Variants in TFIP11 observed in about 807,000 individuals in gnomAD.
TFIP11 encodes the protein tuftelin interacting protein 11.
TFIP11 carries 86 observed loss-of-function variants against 96.8 expected under a neutral mutation model. That is an observed-to-expected ratio of 0.89 (90% CI 0.75 to 1.06). TFIP11 has a LOEUF of 1.06. Ranked by LOEUF, TFIP11 falls within the 50% of genes least tolerant of loss-of-function variation. The pLI, the probability that TFIP11 is intolerant of heterozygous loss-of-function variation, is 0.00. For missense variants in TFIP11, 881 were observed against 1,076.7 expected, an observed-to-expected ratio of 0.82 and a Z score of 2.54; for synonymous variants, 405 against 395.2, an observed-to-expected ratio of 1.02 and a Z score of -0.29.
rs562544500 is a variant in TFIP11, at chr22:26,494,511, C to CT, written c.1993-208dup. 458 of 715,720 alleles carry CT rather than the reference C, an allele frequency of 6.4e-4. 2 individuals carry two copies. In the African/African-American group the frequency reaches 6.9e-3, roughly 11 times the overall value. 44.3% of individuals were successfully genotyped at this position (715,720 alleles called of 1,614,324 possible). ...TAAAGTGCCCTTGCATGTAAACTCT[C>CT]TGAGCCTCAGCTTCCATGTCTACAC... On this transcript the variant is annotated intron_variant, in intron 13 of 14. Transcript: ENST00000407690.
In TFIP11 at chr22:26,492,369, C is replaced by T. The variant is rs757671059; in HGVS notation, c.2159-1G>A. The T allele has an allele frequency of 6.2e-7, 1 of 1,613,856 alleles. No individual in the cohort carries two copies. Among genetic ancestry groups the T allele is most frequent in the Admixed American group, 1.7e-5 (1 of 60,002 alleles). On this transcript the variant is annotated splice_acceptor_variant, in intron 14 of 14. Coordinates refer to ENST00000407690, the MANE Select transcript of TFIP11 (RefSeq NM_012143.4). LOFTEE classifies it high-confidence loss of function. ...CGTGCTCCTGGCTGCATGTAGGCAC[C>T]TAAGATACAGGAGGACAGGGCGGTG... is the stretch of plus-strand genomic sequence containing the variant.
intron 8 of TFIP11, among the ~76,000 whole-genome samples, chr22:26,500,743 G>A (rs138287801): frequency 1.2e-4 from 18 of 151,810 alleles, no homozygotes; most frequent in African/African-American, 3.6e-4. Context: ...TTATCAGGTC[G>A]TCCAGATAAC....
At chr22:26,498,721 G>T in intron 10 of TFIP11, 148 bp downstream of exon 10, 1 of 647,218 alleles carries the variant, frequency 1.5e-6, no homozygotes, top group Non-Finnish European at 2.7e-6. Flanking sequence ...AAAATTCATA[G>T]CCAAATGAAT....
rs765334770 is a variant in TFIP11, at chr22:26,501,955, T to G, written c.746A>C (p.Lys249Thr). 4.3e-6 allele frequency: 7 copies of G among 1,613,998 alleles called. No homozygotes were observed. The highest frequency in any genetic ancestry group is 5.9e-6 in the Non-Finnish European group (7 of 1,179,996). ...AGTGAGCTTCTTGCTAATCCTGCCCTTGGCCTTCAACTCTTCCACGGTCTT... is the reference window on the plus strand; with the variant it reads ...AGTGAGCTTCTTGCTAATCCTGCCCGTGGCCTTCAACTCTTCCACGGTCTT... ...SYKTVEELKAKGRISKKLTAP... is the reference protein window; with the variant it reads ...SYKTVEELKATGRISKKLTAP... The change falls in exon 8 of 15, where the codon AAG (lysine) becomes ACG (threonine). Residue 249 changes from lysine to threonine, a missense_variant. Lys to Thr is a moderately conservative substitution (Grantham distance 78). Transcript: ENST00000407690.
At chr22:26,492,723 G>A in intron 14 of TFIP11, 1 of 238,190 alleles carries the variant, frequency 4.2e-6, no homozygotes, top group South Asian at 6.5e-5. Flanking sequence ...CACCACCAAA[G>A]AGGCAGCTTT....
chr22:26,501,622 A>G (rs1384051757), intron 8 of TFIP11, among the ~76,000 whole-genome samples: 2 of 151,392 alleles, frequency 1.3e-5, no homozygotes, highest in Non-Finnish European at 2.9e-5. Context: ...CAGGAACATC[A>G]TTTGGTTTAC....
rs769539690 is a variant in TFIP11 at position 26,499,230 on chromosome 22, G to A, written c.1203C>T (p.Ala401=). Residue 401 remains alanine, a synonymous_variant, in exon 9 of 15, where the codon GCC becomes GCT. Transcript: ENST00000407690. ...CSNPLTLDEC[A]RIFETLQDKY... is the part of the protein sequence containing the mutation. Reference sequence around the variant, plus strand: ...TGTCCTGCAGGGTTTCGAAGATGCGGGCACACTCGTCCAGGGTGAGGGGGT... The same window carrying A: ...TGTCCTGCAGGGTTTCGAAGATGCGAGCACACTCGTCCAGGGTGAGGGGGT... The A allele has an allele frequency of 8.1e-6, 13 of 1,613,894 alleles. No individual in the cohort carries two copies. Among genetic ancestry groups the A allele is most frequent in the Middle Eastern group, 1.6e-4 (1 of 6,084 alleles).
Position 26,494,181 on chromosome 22 carries a change from C to T in TFIP11, c.2116G>A (p.Glu706Lys). ...AHPSVKDKFNEALDIMNRAVS... is the reference protein window; with the variant it reads ...AHPSVKDKFNKALDIMNRAVS... ...GCCCGGTTCATGATATCAAGTGCCT[C>T]ATTAAATTTGTCCTTGACAGATGGA... is the stretch of plus-strand genomic sequence containing the variant. Residue 706 changes from glutamate (E) to lysine (K), a missense_variant, in exon 14 of 15, where the codon GAG becomes AAG. Transcript: ENST00000407690. 6.2e-7 allele frequency: 1 copy of T among 1,614,218 alleles called. No individual in the cohort carries two copies. The highest frequency in any genetic ancestry group is 8.5e-7 in the Non-Finnish European group (1 of 1,180,044).
At chr22:26,510,750 T>A (rs2147153110) in intron 2 of TFIP11, 48 bp from the exon 3 acceptor site, 1 of 155,594 alleles carries the variant, frequency 6.4e-6, no homozygotes, top group Admixed American at 6.3e-5. Context: ...ATACATTACT[T>A]GATGAAACAA....
Position 26,512,464 on chromosome 22 carries a change from A to G in TFIP11, c.-243T>C. 6.6e-6 allele frequency: 1 copy of G among 152,178 alleles called. No individual in the cohort carries two copies. The highest frequency in any genetic ancestry group is 1.9e-4 in the East Asian group (1 of 5,178). The allele number at this position is 152,178 out of a possible 1,614,324, so 9.4% of individuals were successfully genotyped here. On this transcript the variant is annotated 5_prime_UTR_variant, in exon 1 of 15. Coordinates refer to ENST00000407690, the MANE Select transcript of TFIP11 (RefSeq NM_012143.4). Reference sequence around the variant, plus strand: ...GAGAAGACGCCGCTCCTACACCAGAACCCGGAAGCACCGTGGCCGGCGCGC... The same window carrying G: ...GAGAAGACGCCGCTCCTACACCAGAGCCCGGAAGCACCGTGGCCGGCGCGC...
At chr22:26,501,316 A>G (rs1922756295) in intron 8 of TFIP11, among the ~76,000 whole-genome samples, 2 of 152,342 alleles carry the variant, frequency 1.3e-5, no homozygotes, top group Non-Finnish European at 2.9e-5. Flanking sequence ...AGAGAGAGTT[A>G]ATACAACCTT....
intron 6 of TFIP11, among the ~76,000 whole-genome samples, chr22:26,504,968 C>A (rs1013197673): frequency 4.6e-5 from 7 of 151,970 alleles, no homozygotes; most frequent in African/African-American, 1.7e-4. Context: ...CCCTGCTACT[C>A]GGGAGGCTGA....
At chr22:26,494,458 A>G (rs1921661474) in intron 13 of TFIP11, 154 bp from the exon 14 acceptor site, 3 of 949,570 alleles carry the variant, frequency 3.2e-6, no homozygotes, top group Non-Finnish European at 4.7e-6. Flanking sequence ...GCACTTATGA[A>G]TATGGATTTT....
At chr22:26,508,851 AAAAAAAG>A (rs1171897032) in intron 4 of TFIP11, among the ~76,000 whole-genome samples, 1 of 152,056 alleles carries the variant, frequency 6.6e-6, no homozygotes, top group Non-Finnish European at 1.5e-5. Context: ...CTCAAAAAAA[AAAAAAAG>A]AAAAAGAAAA....
chr22:26,497,009 G>C, intron 10 of TFIP11, 120 bp from the exon 11 acceptor site: 1 of 1,233,844 alleles, frequency 8.1e-7, no homozygotes. Context: ...AATCCAATCA[G>C]AGGAAACCAT....
At position 26,498,929 on chromosome 22, in the gene TFIP11, A is replaced by G. The variant is rs902624927; in HGVS notation, c.1376T>C (p.Leu459Pro). The G allele has an allele frequency of 6.2e-7, 1 of 1,613,880 alleles. No individual in the cohort carries two copies. The highest frequency in any genetic ancestry group is 1.7e-5 in the Admixed American group (1 of 60,002). The change falls in exon 10 of 15, where the codon CTA (leucine) becomes CCA (proline). Residue 459 changes from leucine to proline, a missense_variant. Coordinates refer to ENST00000407690, the MANE Select transcript of TFIP11 (RefSeq NM_012143.4). ...TEIISKWKSL[L>P]ENDQLLSHGG... ...ATGGGACAAGAGCTGGTCATTCTCT[A>G]GGAGGCTTTTCCACTTAGAGATGAT...
chr22:26,494,719 C>CA (rs1921698550), intron 13 of TFIP11, 78 bp downstream of exon 13: 1 of 1,579,892 alleles, frequency 6.3e-7, no homozygotes, highest in Admixed American at 1.7e-5. Flanking sequence ...ATTGTACCTA[C>CA]AGTCAGGCCT....
At chr22:26,492,396 G>A (rs1270865428) in intron 14 of TFIP11, 28 bp from the exon 15 acceptor site, 1 of 1,605,200 alleles carries the variant, frequency 6.2e-7, no homozygotes, top group Non-Finnish European at 8.5e-7. Context: ...AGGGCGGTGA[G>A]GAGAGGTGTT....
chr22:26,511,929 G>A (rs932118058), intron 2 of TFIP11, 170 bp downstream of exon 2: 1 of 152,306 alleles, frequency 6.6e-6, no homozygotes, highest in Middle Eastern at 3.4e-3. Context: ...ATGGTAATAA[G>A]CCCCGAGTAG....
Sources: allele counts gnomAD v4.1 joint callset (sites outside exome capture counted in the v4.1 genomes callset), GRCh38; gene constraint gnomAD v4.1.1; transcripts MANE v1.5; gene names NCBI Gene and HGNC (gene_info 2026-07-23, HGNC 2026-07-21).